Variants in EPAS1 observed in about 807,000 individuals in gnomAD.
EPAS1 encodes endothelial PAS domain protein 1.
In EPAS1, 23 loss-of-function variants were observed where a neutral mutation model predicts 87.9. The observed-to-expected ratio is 0.26, with a 90% confidence interval of 0.19 to 0.37. The LOEUF (loss-of-function observed/expected upper bound fraction) is 0.37, where lower values mean the gene tolerates loss of function less well. Ranked by LOEUF, EPAS1 falls within the 10% of genes least tolerant of loss-of-function variation. EPAS1 has a pLI of 1.00. For synonymous variants in EPAS1, 508 were observed against 444.3 expected, an observed-to-expected ratio of 1.14 and a Z score of -1.80; for missense variants, 1,138 against 1,120.7, an observed-to-expected ratio of 1.02 and a Z score of -0.22.
chr2:46,332,273 GA>G lies in EPAS1; in HGVS notation c.27-14585del, dbSNP rs10566727. 9.7e-3 allele frequency among the ~76,000 whole-genome samples: 1,321 copies of G among 135,654 alleles called. 18 individuals are homozygous for G. Among genetic ancestry groups the G allele is most frequent in the African/African-American group, 0.034 (1,190 of 35,444 alleles). The allele number at this position is 135,654 out of a possible 152,430, so 89.0% of individuals were successfully genotyped here. A position where few individuals can be genotyped will look rare whatever the true frequency, so the allele number is the denominator to read the frequency against. On this transcript the variant is annotated intron_variant, in intron 1 of 15. Coordinates refer to ENST00000263734, the MANE Select transcript of EPAS1 (RefSeq NM_001430.5). ...TAATGGACAGAACTGGTGTTTCACAGAAAAAAAAAAAAAAATACGTGTGTGT... is the reference window on the plus strand; with the variant it reads ...TAATGGACAGAACTGGTGTTTCACAGAAAAAAAAAAAAAATACGTGTGTGT...
chr2:46,333,023 G>A lies in EPAS1; in HGVS notation c.27-13850G>A, dbSNP rs376106225. Among the ~76,000 whole-genome samples, 20 of 152,298 alleles carry A rather than the reference G, an allele frequency of 1.3e-4. No individual in the cohort carries two copies. In the East Asian group the frequency reaches 2.5e-3, roughly 19 times the overall value. On this transcript the variant is annotated intron_variant, in intron 1 of 15. Coordinates refer to ENST00000263734, the MANE Select transcript of EPAS1 (RefSeq NM_001430.5). ...GAAACACACCCATGATGTGGACAGC[G>A]GGCACAGCCAGCTACTTCTGTGTGA...
intron 9 of EPAS1, among the ~76,000 whole-genome samples, chr2:46,377,375 G>C (rs541350907): frequency 6.6e-6 from 1 of 152,180 alleles, no homozygotes; most frequent in Non-Finnish European, 1.5e-5. Context: ...TTCGCAACCC[G>C]CTGCCACCCT....
Position 46,381,577 on chromosome 2 carries a change from GCT to G in EPAS1, c.2046-13_2046-12del, listed in dbSNP as rs1684892082. The G allele has an allele frequency of 6.2e-7, 1 of 1,613,906 alleles. No individual in the cohort carries two copies. The highest frequency in any genetic ancestry group is 8.5e-7 in the Non-Finnish European group (1 of 1,180,004). On this transcript the variant is annotated splice_polypyrimidine_tract_variant and intron_variant, in intron 12 of 15. Transcript: ENST00000263734. ...GTGGCTCCAGACTCCCTCATAGCCT[GCT>G]CTCTCGGGCTTGGCAGGTCTGCAAA...
chr2:46,337,340 A>T (rs1016609023), intron 1 of EPAS1, among the ~76,000 whole-genome samples: 3 of 152,200 alleles, frequency 2.0e-5, no homozygotes, highest in Non-Finnish European at 4.4e-5. Context: ...AGGGAAACGG[A>T]TGCATGGGAG....
At chr2:46,319,268 G>A (rs1215931552) in intron 1 of EPAS1, among the ~76,000 whole-genome samples, 1 of 152,218 alleles carries the variant, frequency 6.6e-6, no homozygotes, top group East Asian at 1.9e-4. Context: ...ATCCTCCAGT[G>A]TGGCCCATAT....
At chr2:46,359,356 C>G (rs757311331) in intron 4 of EPAS1, among the ~76,000 whole-genome samples, 1 of 150,222 alleles carries the variant, frequency 6.7e-6, no homozygotes, top group Non-Finnish European at 1.5e-5. Context: ...GCAACAGCCA[C>G]AAATGAATCC....
At chr2:46,373,085 A>G (rs73926272) in intron 7 of EPAS1, among the ~76,000 whole-genome samples, 8,009 of 152,226 alleles carry the variant, frequency 0.053, 701 homozygotes, top group African/African-American at 0.18. Context: ...CTCTGTCACT[A>G]TTGTCTTGTA....
chr2:46,335,538 A>T (rs1165586809), intron 1 of EPAS1, among the ~76,000 whole-genome samples: 1 of 151,832 alleles, frequency 6.6e-6, no homozygotes, highest in African/African-American at 2.4e-5. Flanking sequence ...TATTTTTGGC[A>T]TTGCAGATAT....
In EPAS1 at chr2:46,376,714, G is replaced by C. The variant is rs777483791; in HGVS notation, c.1210G>C (p.Ala404Pro). 31 of 1,613,134 alleles carry C rather than the reference G, an allele frequency of 1.9e-5. No homozygotes were observed. The highest frequency in any genetic ancestry group is 2.4e-5 in the Non-Finnish European group (28 of 1,179,960). Residue 404 changes from alanine to proline, a missense_variant, in exon 9 of 16, where the codon GCT (alanine) becomes CCT (proline). Ala to Pro is a conservative substitution (Grantham distance 27). Coordinates refer to ENST00000263734, the MANE Select transcript of EPAS1 (RefSeq NM_001430.5). ...KEEPEELAQL[A>P]PTPGDAIISL... ...GGAGCCCGAGGAGCTGGCCCAGCTGGCTCCCACCCCAGGAGACGCCATCAT... is the reference window on the plus strand; with the variant it reads ...GGAGCCCGAGGAGCTGGCCCAGCTGCCTCCCACCCCAGGAGACGCCATCAT...
chr2:46,356,924 T>G (rs1176022433), intron 4 of EPAS1, 116 bp downstream of exon 4: 2 of 771,446 alleles, frequency 2.6e-6, no homozygotes, highest in African/African-American at 3.4e-5. Flanking sequence ...GAAAAATGGA[T>G]GTCCTTAAAA....
At chr2:46,377,531 G>A (rs7594372) in intron 9 of EPAS1, among the ~76,000 whole-genome samples, 5 of 152,210 alleles carry the variant, frequency 3.3e-5, no homozygotes, top group South Asian at 2.1e-4. Flanking sequence ...TAGGTCTCGC[G>A]GCTTGTTTTG....
At position 46,381,630 on chromosome 2, in the gene EPAS1, G is replaced by C. The variant is rs375544083; in HGVS notation, c.2080G>C (p.Val694Leu). ...AKGFGARGPDVLSPAMVALSN... is the reference protein window; with the variant it reads ...AKGFGARGPDLLSPAMVALSN... ...GGGTTTTGGGGCTCGAGGCCCAGAC[G>C]TGCTGAGTCCGGCCATGGTAGCCCT... Residue 694 changes from valine to leucine, a missense_variant, in exon 13 of 16, where the codon GTG (valine) becomes CTG (leucine). Coordinates refer to ENST00000263734, the MANE Select transcript of EPAS1 (RefSeq NM_001430.5). The C allele has an allele frequency of 2.5e-6, 4 of 1,613,868 alleles. No homozygotes were observed. The African/African-American group carries it at 5.3e-5, about 22-fold the overall frequency.
chr2:46,380,782 C>T lies in EPAS1; in HGVS notation c.2045+65C>T. On this transcript the variant is annotated intron_variant, in intron 12 of 15. Coordinates refer to ENST00000263734, the MANE Select transcript of EPAS1 (RefSeq NM_001430.5). This position sits in a 1 kb window ranked among gnomAD's most constrained non-coding sequence, Gnocchi z 4.4. ...CGAGAGGCACCCACTAGTAAGATAGCTGGACCCCCAGGGAGGCCCCTGCCC... is the reference window on the plus strand; with the variant it reads ...CGAGAGGCACCCACTAGTAAGATAGTTGGACCCCCAGGGAGGCCCCTGCCC... 1 of 1,598,916 alleles carries T rather than the reference C, an allele frequency of 6.3e-7. No individual in the cohort carries two copies. Among genetic ancestry groups the T allele is most frequent in the Non-Finnish European group, 8.5e-7 (1 of 1,179,710 alleles).
intron 1 of EPAS1, among the ~76,000 whole-genome samples, chr2:46,342,959 T>TAA (rs1458642676): frequency 6.6e-6 from 1 of 152,050 alleles, no homozygotes. Context: ...AGAGTAACTA[T>TAA]AAATTTGTGC....
At position 46,346,840 on chromosome 2, in the gene EPAS1, C is replaced by G. The variant is rs1684038846; in HGVS notation, c.27-33C>G. On this transcript the variant is annotated intron_variant, in intron 1 of 15. Transcript: ENST00000263734. The surrounding 1 kb of genome is among the most constrained non-coding windows in gnomAD (Gnocchi z 4.0). Reference sequence around the variant, plus strand: ...AGAGGTATGATAGGCTGACAGTAACCTTTCCGGGACTAACCCCTTCTTCTC... The same window carrying G: ...AGAGGTATGATAGGCTGACAGTAACGTTTCCGGGACTAACCCCTTCTTCTC... The G allele has an allele frequency of 1.2e-6, 2 of 1,612,910 alleles. No individual in the cohort carries two copies. Among genetic ancestry groups the G allele is most frequent in the Non-Finnish European group, 8.5e-7 (1 of 1,179,308 alleles).
At position 46,347,936 on chromosome 2, in the gene EPAS1, C is replaced by T. The variant is rs756077157; in HGVS notation, c.217+873C>T. Among the ~76,000 whole-genome samples, 8 of 152,070 alleles carry T rather than the reference C, an allele frequency of 5.3e-5. No homozygotes were observed. Among genetic ancestry groups the T allele is most frequent in the South Asian group, 4.1e-4 (2 of 4,824 alleles). On this transcript the variant is annotated intron_variant, in intron 2 of 15. Coordinates refer to ENST00000263734, the MANE Select transcript of EPAS1 (RefSeq NM_001430.5). This position sits in a 1 kb window ranked among gnomAD's most constrained non-coding sequence, Gnocchi z 4.2. Reference sequence around the variant, plus strand: ...TGCCACAGGTGGGGACAGTGTCTGACGGGTGAGCATGAGGGAGGCACTCAG... The same window carrying T: ...TGCCACAGGTGGGGACAGTGTCTGATGGGTGAGCATGAGGGAGGCACTCAG...
Position 46,378,641 on chromosome 2 carries a change from C to G in EPAS1, c.1444-16C>G, listed in dbSNP as rs1360504286. 1.2e-6 allele frequency: 2 copies of G among 1,610,198 alleles called. No individual in the cohort carries two copies. The highest frequency in any genetic ancestry group is 1.1e-5 in the South Asian group (1 of 90,986). On this transcript the variant is annotated splice_polypyrimidine_tract_variant and intron_variant, in intron 10 of 15. Coordinates refer to ENST00000263734, the MANE Select transcript of EPAS1 (RefSeq NM_001430.5). ...GCCATATCTTTGACTCTGTCCCCCT[C>G]CTTCCTGGCCCCTAGCCCAATAGCC...
chr2:46,318,785 TATTA>T (rs1169366169), intron 1 of EPAS1, among the ~76,000 whole-genome samples: 2 of 152,390 alleles, frequency 1.3e-5, no homozygotes, highest in Admixed American at 6.5e-5. Context: ...TTATTAATAG[TATTA>T]ATTGTGAAGC....
chr2:46,302,080 T>G (rs1343730597), intron 1 of EPAS1, among the ~76,000 whole-genome samples: 1 of 147,004 alleles, frequency 6.8e-6, no homozygotes, highest in East Asian at 2.1e-4. Flanking sequence ...ACTGTGAGAC[T>G]AAACAGTTTA....
Sources: allele counts gnomAD v4.1 joint callset (sites outside exome capture counted in the v4.1 genomes callset), GRCh38; gene constraint gnomAD v4.1.1; non-coding constraint Gnocchi (gnomAD v3.1); transcripts MANE v1.5; gene names NCBI Gene and HGNC (gene_info 2026-07-23, HGNC 2026-07-21).